The following SLCO1B1 variants were observed in gnomAD, a reference collection of about 807,000 sequenced individuals.
SLCO1B1 encodes OATP-2.
A neutral mutation model predicts 70.1 loss-of-function variants in SLCO1B1; 81 were observed. That is an observed-to-expected ratio of 1.16 (90% CI 0.97 to 1.39). The LOEUF is 1.39. Among genes scored for constraint, SLCO1B1 ranks in the 40% most tolerant of loss-of-function variants. SLCO1B1 has a pLI of 0.00. For synonymous variants in SLCO1B1, 283 were observed against 271.5 expected (o/e 1.04, Z -0.42); for missense variants, 895 against 799.6 (o/e 1.12, Z -1.44).
chr12:21,141,162 AT>A (rs1203432677), intron 1 of SLCO1B1, among the ~76,000 whole-genome samples: 1 of 151,952 alleles, frequency 6.6e-6, no homozygotes, highest in African/African-American at 2.4e-5. Flanking sequence ...GAAAACATAT[AT>A]TTGCTTTTAT....
chr12:21,208,424 A>C (rs778934486), intron 11 of SLCO1B1, among the ~76,000 whole-genome samples: 2 of 152,048 alleles, frequency 1.3e-5, no homozygotes, highest in African/African-American at 4.8e-5. Flanking sequence ...ACTTCATTGA[A>C]GATCAGATGG....
chr12:21,201,376 A>C (rs941490654), intron 9 of SLCO1B1, among the ~76,000 whole-genome samples: 1 of 152,150 alleles, frequency 6.6e-6, no homozygotes, highest in African/African-American at 2.4e-5. Flanking sequence ...TCTTAAGATA[A>C]AAGTTTAAAA....
chr12:21,232,553 A>G (rs1329574389), intron 14 of SLCO1B1, among the ~76,000 whole-genome samples: 1 of 149,948 alleles, frequency 6.7e-6, no homozygotes, highest in Non-Finnish European at 1.5e-5. Context: ...CCTACTTTCT[A>G]CATTCTTTCC....
chr12:21,132,045 T>A (rs1353036582), intron 1 of SLCO1B1, among the ~76,000 whole-genome samples: 2 of 152,088 alleles, frequency 1.3e-5, no homozygotes, highest in African/African-American at 4.8e-5. Flanking sequence ...GTCCATGTGT[T>A]CTCATTGTTC....
At chr12:21,206,134 G>C in intron 11 of SLCO1B1, 101 bp downstream of exon 11, 1 of 1,001,058 alleles carries the variant, frequency 1.0e-6, no homozygotes, top group East Asian at 2.5e-5. Flanking sequence ...CCATTAAAAA[G>C]ATAAAAGAGA....
Position 21,200,629 on chromosome 12 carries a change from G to A in SLCO1B1, c.1092G>A (p.Glu364=), listed in dbSNP as rs763995505. Reference sequence around the variant, plus strand: ...TTACTTATGTCTTCAAATACGTAGAGCAACAGTATGGTCAGCCTTCATCTA... The same window carrying A: ...TTACTTATGTCTTCAAATACGTAGAACAACAGTATGGTCAGCCTTCATCTA... The part of the protein sequence containing the change: ...GAFTYVFKYV[E]QQYGQPSSKA... The change falls in exon 9 of 15, where the codon GAG becomes GAA. Residue 364 remains glutamate, a synonymous_variant. Transcript: ENST00000256958. 1.2e-6 allele frequency: 2 copies of A among 1,612,158 alleles called. No homozygotes were observed. The highest frequency in any genetic ancestry group is 1.3e-5 in the African/African-American group (1 of 74,858).
Position 21,217,178 on chromosome 12 carries a change from C to T in SLCO1B1, c.1557C>T (p.Ala519=). ...VTGLQNRNYS[A]HLGECPRDDA... is the part of the protein sequence containing the mutation. ...GTCTCCAGAACAGAAATTACTCAGC[C>T]CATTTGGGTGAATGCCCAAGAGATG... Residue 519 remains alanine (A), a synonymous_variant, in exon 12 of 15, where the codon GCC becomes GCT. Coordinates refer to ENST00000256958, the MANE Select transcript of SLCO1B1 (RefSeq NM_006446.5). The T allele has an allele frequency of 6.2e-7, 1 of 1,613,650 alleles. No homozygotes were observed. Among genetic ancestry groups the T allele is most frequent in the Non-Finnish European group, 8.5e-7 (1 of 1,179,692 alleles).
chr12:21,231,870 T>C (rs1479261484), intron 14 of SLCO1B1, among the ~76,000 whole-genome samples: 1 of 152,114 alleles, frequency 6.6e-6, no homozygotes, highest in Non-Finnish European at 1.5e-5. Flanking sequence ...ATCCTTTATA[T>C]CTCTTATTAT....
chr12:21,210,580 T>C (rs1040449598), intron 11 of SLCO1B1, among the ~76,000 whole-genome samples: 5 of 148,618 alleles, frequency 3.4e-5, no homozygotes, highest in Middle Eastern at 3.4e-3. Flanking sequence ...TTTAAAGTAT[T>C]TTCCAATTCT....
chr12:21,179,887 C>A (rs1242051722), intron 7 of SLCO1B1, among the ~76,000 whole-genome samples: 2 of 152,018 alleles, frequency 1.3e-5, no homozygotes, highest in African/African-American at 4.8e-5. Flanking sequence ...CCAGCTGAAT[C>A]CTTTTTTTAT....
At chr12:21,158,879 A>G (rs972490332) in intron 2 of SLCO1B1, among the ~76,000 whole-genome samples, 6 of 152,152 alleles carry the variant, frequency 3.9e-5, no homozygotes, top group African/African-American at 1.4e-4. Context: ...ATAGAATTTT[A>G]TTTGTCAATC....
At chr12:21,231,519 G>A (rs1941537839) in intron 14 of SLCO1B1, among the ~76,000 whole-genome samples, 1 of 151,922 alleles carries the variant, frequency 6.6e-6, no homozygotes, top group African/African-American at 2.4e-5. Context: ...TGGTCATCAA[G>A]AGGGGCAAAA....
intron 12 of SLCO1B1, among the ~76,000 whole-genome samples, chr12:21,220,645 C>G (rs974407159): frequency 2.6e-5 from 4 of 151,860 alleles, no homozygotes; most frequent in South Asian, 2.1e-4. Context: ...ATGAGAAAAA[C>G]TAGGAAAGAG....
intron 12 of SLCO1B1, among the ~76,000 whole-genome samples, chr12:21,221,489 G>T (rs1941423408): frequency 6.6e-6 from 1 of 151,862 alleles, no homozygotes; most frequent in African/African-American, 2.4e-5. Flanking sequence ...CAACCTACAG[G>T]AAGGGAAAAA....
chr12:21,138,968 G>C (rs1247645047), intron 1 of SLCO1B1, among the ~76,000 whole-genome samples: 1 of 152,088 alleles, frequency 6.6e-6, no homozygotes, highest in Non-Finnish European at 1.5e-5. Flanking sequence ...AGGGATCTTT[G>C]AAAGATTCTT....
intron 3 of SLCO1B1, 127 bp downstream of exon 3, chr12:21,172,918 T>C (rs1045069786): frequency 5.7e-6 from 5 of 881,894 alleles, no homozygotes; most frequent in Admixed American, 2.2e-5. Flanking sequence ...CTAAAAACAT[T>C]TGTGGTTGTC....
intron 2 of SLCO1B1, 105 bp from the exon 3 acceptor site, chr12:21,172,545 A>G (rs1940768366): frequency 7.9e-7 from 1 of 1,273,366 alleles, no homozygotes; most frequent in Non-Finnish European, 1.1e-6. Flanking sequence ...AGATACAAAT[A>G]ATGTTTTTAA....
chr12:21,178,687 A>T lies in SLCO1B1; in HGVS notation c.593A>T (p.Asp198Val). The part of the protein sequence containing the change: ...IVPLGLSYID[D>V]FAKEGHSSLY... Reference sequence around the variant, plus strand: ...CCATTGGGGCTTTCTTACATTGATGATTTCGCTAAAGAAGGACATTCTTCT... The same window carrying T: ...CCATTGGGGCTTTCTTACATTGATGTTTTCGCTAAAGAAGGACATTCTTCT... The change falls in exon 6 of 15, where the codon GAT becomes GTT. Residue 198 changes from aspartate (D) to valine (V), a missense_variant. Physicochemically the swap from Asp to Val is radical, Grantham distance 152. Transcript: ENST00000256958. 6.2e-7 allele frequency: 1 copy of T among 1,607,190 alleles called. No individual in the cohort carries two copies. The highest frequency in any genetic ancestry group is 8.5e-7 in the Non-Finnish European group (1 of 1,173,738).
At chr12:21,209,718 C>A (rs1172344358) in intron 11 of SLCO1B1, among the ~76,000 whole-genome samples, 1 of 151,050 alleles carries the variant, frequency 6.6e-6, no homozygotes, top group Non-Finnish European at 1.5e-5. Context: ...TCTCCAGCAC[C>A]TGTTGTTTCC....
Sources: gnomAD v4.1 joint callset for allele counts (sites outside exome capture counted in the v4.1 genomes callset) on GRCh38, gnomAD v4.1.1 for gene constraint, MANE v1.5 for transcripts, NCBI Gene and HGNC (gene_info 2026-07-23, HGNC 2026-07-21) for gene names.